The following SOX13 variants were observed in gnomAD, a reference collection of about 807,000 sequenced individuals.
The protein encoded by SOX13 is transcription factor SOX-13.
In SOX13, 28 loss-of-function variants were observed where a neutral mutation model predicts 71.8. The observed-to-expected ratio is 0.39, with a 90% confidence interval of 0.29 to 0.53. The LOEUF (loss-of-function observed/expected upper bound fraction) is 0.53, where lower values mean the gene tolerates loss of function less well. Among genes scored for constraint, SOX13 ranks in the 20% least tolerant of loss-of-function variants. The pLI, the probability that SOX13 is intolerant of heterozygous loss-of-function variation, is 0.70. For missense variants in SOX13, 627 were observed against 810.3 expected, an observed-to-expected ratio of 0.77 and a Z score of 2.75; for synonymous variants, 309 against 317.8, an observed-to-expected ratio of 0.97 and a Z score of 0.29.
At chr1:204,075,727 C>T (rs1018431280) in intron 1 of SOX13, among the ~76,000 whole-genome samples, 3 of 152,192 alleles carry the variant, frequency 2.0e-5, no homozygotes, top group Non-Finnish European at 4.4e-5. Flanking sequence ...TTTAACTTAA[C>T]CTCTGTGCCT....
rs192621768 is a variant in SOX13, at chr1:204,100,777, C to G, written c.-1-12138C>G. ...TAAACTGGGGTGTCCGATGAGCGAGCCTGTGTTAGGGGAGCTGGTGGTGAT... is the reference window on the plus strand; with the variant it reads ...TAAACTGGGGTGTCCGATGAGCGAGGCTGTGTTAGGGGAGCTGGTGGTGAT... On this transcript the variant is annotated intron_variant, in intron 1 of 13. Coordinates refer to ENST00000367204, the MANE Select transcript of SOX13 (RefSeq NM_005686.3). Among the ~76,000 whole-genome samples the G allele has an allele frequency of 1.1e-3, 167 of 152,254 alleles. 1 individual carries two copies. The highest frequency in any genetic ancestry group is 3.8e-3 in the African/African-American group (159 of 41,552).
intron 4 of SOX13, among the ~76,000 whole-genome samples, chr1:204,115,014 ATTT>A (rs879275694): frequency 7.0e-6 from 1 of 142,192 alleles, no homozygotes; most frequent in Non-Finnish European, 1.5e-5. Context: ...CCTTAGAGTG[ATTT>A]TTTTTTTTTT....
chr1:204,096,140 T>G (rs1251534383), intron 1 of SOX13, among the ~76,000 whole-genome samples: 1 of 151,974 alleles, frequency 6.6e-6, no homozygotes, highest in East Asian at 1.9e-4. Flanking sequence ...TGGGGGTATA[T>G]CCCCAGAAGT....
At chr1:204,105,837 C>T (rs1008354591) in intron 1 of SOX13, among the ~76,000 whole-genome samples, 5 of 152,138 alleles carry the variant, frequency 3.3e-5, no homozygotes, top group Non-Finnish European at 5.9e-5. Flanking sequence ...TCCATCCAAG[C>T]GAGGGGCTGA....
chr1:204,075,604 G>A (rs1655771537), intron 1 of SOX13, among the ~76,000 whole-genome samples: 1 of 152,162 alleles, frequency 6.6e-6, no homozygotes, highest in African/African-American at 2.4e-5. Flanking sequence ...ATCTCCAGGA[G>A]GGTAGGGACC....
chr1:204,125,747 G>A, intron 13 of SOX13, 111 bp from the exon 14 acceptor site: 2 of 1,234,160 alleles, frequency 1.6e-6, no homozygotes, highest in Non-Finnish European at 2.2e-6. Context: ...ATAAGTCACA[G>A]CCAAGAGTGT....
chr1:204,125,761 G>A lies in SOX13; in HGVS notation c.1593-97G>A. On this transcript the variant is annotated intron_variant, in intron 13 of 13. Coordinates refer to ENST00000367204, the MANE Select transcript of SOX13 (RefSeq NM_005686.3). The stretch of plus-strand genomic sequence containing the variant: ...TATAAGTCACAGCCAAGAGTGTGTG[G>A]AGTGGGAGTGCATGCTCTGAGGAGG... The A allele has an allele frequency of 1.5e-6, 2 of 1,306,358 alleles. 1 individual carries two copies. The highest frequency in any genetic ancestry group is 2.1e-6 in the Non-Finnish European group (2 of 954,862). 80.9% of individuals were successfully genotyped at this position (1,306,358 alleles called of 1,614,324 possible). A position where few individuals can be genotyped will look rare whatever the true frequency, so the allele number is the denominator to read the frequency against.
rs1405202039 is a variant in SOX13, at chr1:204,081,910, G to A, written c.-2+8199G>A. The stretch of plus-strand genomic sequence containing the variant: ...GGGGAATAAAATGTAGTGGGGAGGG[G>A]TGGAAGGAAGCCTGTGTGCAGGTAC... On this transcript the variant is annotated intron_variant, in intron 1 of 13. Coordinates refer to ENST00000367204, the MANE Select transcript of SOX13 (RefSeq NM_005686.3). The surrounding 1 kb of genome is among the most constrained non-coding windows in gnomAD (Gnocchi z 4.3). Among the ~76,000 whole-genome samples the A allele has an allele frequency of 6.6e-6, 1 of 152,096 alleles. No individual in the cohort carries two copies. Among genetic ancestry groups the A allele is most frequent in the Non-Finnish European group, 1.5e-5 (1 of 68,008 alleles).
intron 1 of SOX13, among the ~76,000 whole-genome samples, chr1:204,099,970 T>TG (rs1656328781): frequency 6.6e-6 from 1 of 151,894 alleles, no homozygotes; most frequent in African/African-American, 2.4e-5. Context: ...AGCAAGACCC[T>TG]GTCACTATAA....
chr1:204,095,596 CT>C (rs1232743007), intron 1 of SOX13, among the ~76,000 whole-genome samples: 1 of 152,188 alleles, frequency 6.6e-6, no homozygotes, highest in Non-Finnish European at 1.5e-5. Flanking sequence ...CTCTGTCCAT[CT>C]GCAGATTAAA....
rs578145242 is a variant in SOX13 at position 204,091,456 on chromosome 1, C to G, written c.-2+17745C>G. Among the ~76,000 whole-genome samples the G allele has an allele frequency of 2.2e-4, 33 of 152,260 alleles. No homozygotes were observed. The South Asian group carries it at 3.5e-3, about 16-fold the overall frequency. ...TTTGTGAATGAATGAGATACTCATC[C>G]AATGGATAAGCTTTACCAAGCCCTC... On this transcript the variant is annotated intron_variant, in intron 1 of 13. Coordinates refer to ENST00000367204, the MANE Select transcript of SOX13 (RefSeq NM_005686.3).
chr1:204,089,495 C>G (rs1656097007), intron 1 of SOX13, among the ~76,000 whole-genome samples: 1 of 152,190 alleles, frequency 6.6e-6, no homozygotes, highest in Non-Finnish European at 1.5e-5. Flanking sequence ...GCAGCGGGGC[C>G]TGGGGAGATC....
At chr1:204,085,014 G>T (rs1475334539) in intron 1 of SOX13, among the ~76,000 whole-genome samples, 1 of 152,198 alleles carries the variant, frequency 6.6e-6, no homozygotes, top group Admixed American at 6.5e-5. Flanking sequence ...GAAGAAAGAC[G>T]TGGTGAATGT....
intron 4 of SOX13, among the ~76,000 whole-genome samples, chr1:204,115,881 G>T (rs1350151552): frequency 6.6e-6 from 1 of 151,728 alleles, no homozygotes; most frequent in Non-Finnish European, 1.5e-5. Flanking sequence ...GTTCAGGCTG[G>T]TCTCGAACTC....
Position 204,123,250 on chromosome 1 carries a change from C to A in SOX13, c.1231+42C>A. 6.8e-7 allele frequency: 1 copy of A among 1,480,130 alleles called. No individual in the cohort carries two copies. Among genetic ancestry groups the A allele is most frequent in the Non-Finnish European group, 9.4e-7 (1 of 1,058,276 alleles). 91.7% of individuals were successfully genotyped at this position (1,480,130 alleles called of 1,614,324 possible). A position where few individuals can be genotyped will look rare whatever the true frequency, so the allele number is the denominator to read the frequency against. On this transcript the variant is annotated intron_variant, in intron 11 of 13. Coordinates refer to ENST00000367204, the MANE Select transcript of SOX13 (RefSeq NM_005686.3). The surrounding 1 kb of genome is among the most constrained non-coding windows in gnomAD (Gnocchi z 5.0). ...AGGGCTGATGCGCAGGAGGGCCCAA[C>A]TCTGTATTCCACCAGGGCCAGGGCT...
chr1:204,075,216 G>A (rs1198383223), intron 1 of SOX13, among the ~76,000 whole-genome samples: 2 of 152,216 alleles, frequency 1.3e-5, no homozygotes, highest in African/African-American at 4.8e-5. Context: ...GCCGCTCTCT[G>A]CCCTCTGCTC....
At chr1:204,097,516 A>AC (rs1444153303) in intron 1 of SOX13, among the ~76,000 whole-genome samples, 1 of 151,856 alleles carries the variant, frequency 6.6e-6, no homozygotes, top group Non-Finnish European at 1.5e-5. Context: ...ACATGGAGAA[A>AC]CCCTGTCTCT....
At chr1:204,120,050 C>A (rs1656771116) in intron 7 of SOX13, among the ~76,000 whole-genome samples, 1 of 152,122 alleles carries the variant, frequency 6.6e-6, no homozygotes, top group Admixed American at 6.5e-5. Context: ...TAAATCTCAC[C>A]TAAATCAGTT....
chr1:204,108,395 G>A (rs959536285), intron 1 of SOX13, among the ~76,000 whole-genome samples: 8 of 152,202 alleles, frequency 5.3e-5, no homozygotes, highest in East Asian at 3.9e-4. Context: ...ATCTTGGGCC[G>A]TGCAGTCCTA....
Sources: gnomAD v4.1 joint callset for allele counts (sites outside exome capture counted in the v4.1 genomes callset) on GRCh38, gnomAD v4.1.1 for gene constraint, Gnocchi (gnomAD v3.1) non-coding constraint, MANE v1.5 for transcripts, NCBI Gene and HGNC (gene_info 2026-07-23, HGNC 2026-07-21) for gene names.